The following DMRT3 variants were observed in gnomAD, a reference collection of about 807,000 sequenced individuals.
The protein encoded by DMRT3 is doublesex- and mab-3-related transcription factor 3.
Under a neutral mutation model 34.9 loss-of-function variants are expected in DMRT3, and 29 were observed. The ratio of observed to expected loss-of-function variants is 0.83; its 90% CI spans 0.62 to 1.13. DMRT3 has a LOEUF of 1.13. Among genes scored for constraint, DMRT3 ranks in the 50% most tolerant of loss-of-function variants. The pLI is 0.00. For synonymous variants in DMRT3, 350 were observed against 286.0 expected, an observed-to-expected ratio of 1.22 and a Z score of -2.26; for missense variants, 772 against 629.1, an observed-to-expected ratio of 1.23 and a Z score of -2.43.
chr9:977,576 C>A, intron 1 of DMRT3, 121 bp downstream of exon 1: 5 of 976,034 alleles, frequency 5.1e-6, no homozygotes, highest in Non-Finnish European at 6.4e-6. Context: ...TCGGGGCTTT[C>A]CTTCCTACTC....
At chr9:983,094 C>G (rs1820241867) in intron 1 of DMRT3, among the ~76,000 whole-genome samples, 1 of 152,170 alleles carries the variant, frequency 6.6e-6, no homozygotes, top group African/African-American at 2.4e-5. Flanking sequence ...CTACTGTTCT[C>G]AGAAGGGAAA....
chr9:988,569 A>C (rs1007949446), intron 1 of DMRT3, among the ~76,000 whole-genome samples: 2 of 152,214 alleles, frequency 1.3e-5, no homozygotes, highest in African/African-American at 2.4e-5. Flanking sequence ...GTTACACTTA[A>C]GATACACCTG....
chr9:984,774 G>T (rs1820262859), intron 1 of DMRT3, among the ~76,000 whole-genome samples: 2 of 151,966 alleles, frequency 1.3e-5, no homozygotes, highest in African/African-American at 4.8e-5. Flanking sequence ...TCACTTTTAT[G>T]CATCGTGAGC....
At position 990,183 on chromosome 9, in the gene DMRT3, C is replaced by T. The variant is rs539407759; in HGVS notation, c.597C>T (p.Ser199=). ...CCCCTGAGAGCCCTGAGATAGTGTC[C>T]GTGGAGGAAGGGGGATACGCTGTCC... ...CFTPESPEIV[S]VEEGGYAVQK... Residue 199 remains serine (S), a synonymous_variant, in exon 2 of 2, where the codon TCC becomes TCT. Coordinates refer to ENST00000190165, the MANE Select transcript of DMRT3 (RefSeq NM_021240.4). 124 of 1,613,948 alleles carry T rather than the reference C, an allele frequency of 7.7e-5. No individual in the cohort carries two copies. The highest frequency in any genetic ancestry group is 5.4e-4 in the South Asian group (49 of 91,062).
In DMRT3 at chr9:990,831, T is replaced by C. The variant is rs1820353462; in HGVS notation, c.1245T>C (p.Ser415=). 2 of 1,614,150 alleles carry C rather than the reference T, an allele frequency of 1.2e-6. No individual in the cohort carries two copies. Among genetic ancestry groups the C allele is most frequent in the East Asian group, 2.2e-5 (1 of 44,878 alleles). ...SQYVSPFPSN[S]TSVFRSSPVL... ...ATGTCAGTCCTTTCCCCAGTAACTC[T>C]ACCAGCGTCTTCAGAAGCTCGCCCG... The change falls in exon 2 of 2, where the codon TCT becomes TCC. Residue 415 remains serine, a synonymous_variant. Transcript: ENST00000190165.
chr9:986,394 C>T (rs571920521), intron 1 of DMRT3, among the ~76,000 whole-genome samples: 3 of 151,898 alleles, frequency 2.0e-5, no homozygotes, highest in African/African-American at 7.2e-5. Flanking sequence ...AACCTCATTC[C>T]CTAATTCCCC....
rs1185510405 is a variant in DMRT3, at chr9:991,354, A to G, written c.*349A>G. The G allele has an allele frequency of 5.5e-6, 1 of 181,580 alleles. No homozygotes were observed. The highest frequency in any genetic ancestry group is 2.4e-5 in the African/African-American group (1 of 42,504). 11.2% of individuals were successfully genotyped at this position (181,580 alleles called of 1,614,324 possible). On this transcript the variant is annotated 3_prime_UTR_variant, in exon 2 of 2. Transcript: ENST00000190165. ...CCCAACCTGGAATGTTAAATGAAAT[A>G]ATATACTTGAATGCAATTTTGTAAA... is the stretch of plus-strand genomic sequence containing the variant.
At chr9:980,059 G>A (rs1341912459) in intron 1 of DMRT3, among the ~76,000 whole-genome samples, 1 of 151,458 alleles carries the variant, frequency 6.6e-6, no homozygotes, top group East Asian at 1.9e-4. Flanking sequence ...CGGGGCAAAG[G>A]ACCTCTTTAA....
chr9:990,417 C>G lies in DMRT3; in HGVS notation c.831C>G (p.Asp277Glu), dbSNP rs780694580. 2 of 1,614,094 alleles carry G rather than the reference C, an allele frequency of 1.2e-6. No homozygotes were observed. Among genetic ancestry groups the G allele is most frequent in the East Asian group, 2.2e-5 (1 of 44,860 alleles). Residue 277 changes from aspartate to glutamate, a missense_variant, in exon 2 of 2, where the codon GAC (aspartate) becomes GAG (glutamate). Transcript: ENST00000190165. ...LELILKGCGGDLVSAVEVLLS... is the reference protein window; with the variant it reads ...LELILKGCGGELVSAVEVLLS... ...TCATCCTCAAGGGCTGTGGCGGGGA[C>G]CTGGTGAGCGCCGTGGAAGTCCTTC... is the stretch of plus-strand genomic sequence containing the variant.
At chr9:980,943 A>T (rs903532098) in intron 1 of DMRT3, among the ~76,000 whole-genome samples, 4 of 151,986 alleles carry the variant, frequency 2.6e-5, no homozygotes, top group African/African-American at 9.7e-5. Context: ...GTGGCTGTAG[A>T]CTCTTCCTAG....
Position 990,427 on chromosome 9 carries a change from G to A in DMRT3, c.841G>A (p.Ala281Thr), listed in dbSNP as rs1043851397. The change falls in exon 2 of 2, where the codon GCC (alanine) becomes ACC (threonine). Residue 281 changes from alanine to threonine, a missense_variant. Coordinates refer to ENST00000190165, the MANE Select transcript of DMRT3 (RefSeq NM_021240.4). ...GGGCTGTGGCGGGGACCTGGTGAGC[G>A]CCGTGGAAGTCCTTCTGTCCAGCCG... ...LKGCGGDLVS[A>T]VEVLLSSRSS... 1.7e-5 allele frequency: 27 copies of A among 1,613,974 alleles called. No homozygotes were observed. The highest frequency in any genetic ancestry group is 9.9e-5 in the South Asian group (9 of 91,080).
chr9:987,252 C>G (rs1195444543), intron 1 of DMRT3, among the ~76,000 whole-genome samples: 2 of 152,226 alleles, frequency 1.3e-5, no homozygotes, highest in Non-Finnish European at 2.9e-5. Flanking sequence ...ACTACTTTCT[C>G]TCTGAATTTC....
In DMRT3 at chr9:976,923, G is replaced by T; in HGVS notation, c.-79G>T. ...CGTCGCCCGGAGGCCGCCCCTGAGCGGGCCTCGCAGCCCCGCCGTCCAGCG... is the reference window on the plus strand; with the variant it reads ...CGTCGCCCGGAGGCCGCCCCTGAGCTGGCCTCGCAGCCCCGCCGTCCAGCG... On this transcript the variant is annotated 5_prime_UTR_variant, in exon 1 of 2. Transcript: ENST00000190165. This position sits in a 1 kb window ranked among gnomAD's most constrained non-coding sequence, Gnocchi z 4.5. 1.5e-6 allele frequency: 2 copies of T among 1,353,408 alleles called. No individual in the cohort carries two copies. The allele number at this position is 1,353,408 out of a possible 1,614,324, so 83.8% of individuals were successfully genotyped here.
At chr9:981,776 C>A (rs1006131418) in intron 1 of DMRT3, among the ~76,000 whole-genome samples, 1 of 152,194 alleles carries the variant, frequency 6.6e-6, no homozygotes, top group African/African-American at 2.4e-5. Context: ...CGTCTCCTTG[C>A]ACCAGGGGGT....
At chr9:981,721 G>A (rs1586683087) in intron 1 of DMRT3, among the ~76,000 whole-genome samples, 1 of 152,304 alleles carries the variant, frequency 6.6e-6, no homozygotes, top group Non-Finnish European at 1.5e-5. Context: ...TCAAAGTAGG[G>A]GCAAAGATAG....
At position 990,913 on chromosome 9, in the gene DMRT3, C is replaced by A. The variant is rs764103256; in HGVS notation, c.1327C>A (p.Pro443Thr). The change falls in exon 2 of 2, where the codon CCA becomes ACA. Residue 443 changes from proline (P) to threonine (T), a missense_variant. By Grantham distance (38) the Pro-to-Thr change is conservative (BLOSUM62 -1). Coordinates refer to ENST00000190165, the MANE Select transcript of DMRT3 (RefSeq NM_021240.4). ...GATTTCCATCCCTGATGATGGGTGTCCATTTGTGTCAAAGCAGTCCATTTA... is the reference window on the plus strand; with the variant it reads ...GATTTCCATCCCTGATGATGGGTGTACATTTGTGTCAAAGCAGTCCATTTA... Reference protein sequence around the residue: ...PRISIPDDGCPFVSKQSIYTE... With the variant: ...PRISIPDDGCTFVSKQSIYTE... 6.2e-7 allele frequency: 1 copy of A among 1,614,100 alleles called. No individual in the cohort carries two copies. Among genetic ancestry groups the A allele is most frequent in the South Asian group, 1.1e-5 (1 of 91,080 alleles).
At chr9:986,677 G>A (rs892194294) in intron 1 of DMRT3, among the ~76,000 whole-genome samples, 7 of 152,092 alleles carry the variant, frequency 4.6e-5, no homozygotes, top group African/African-American at 1.7e-4. Flanking sequence ...TGGATCATGA[G>A]GTCAGGAGTT....
chr9:976,881 T>G lies in DMRT3; in HGVS notation c.-121T>G. 1 of 1,108,650 alleles carries G rather than the reference T, an allele frequency of 9.0e-7. No homozygotes were observed. Among genetic ancestry groups the G allele is most frequent in the Non-Finnish European group, 1.2e-6 (1 of 843,458 alleles). 68.7% of individuals were successfully genotyped at this position (1,108,650 alleles called of 1,614,324 possible). A position where few individuals can be genotyped will look rare whatever the true frequency, so the allele number is the denominator to read the frequency against. Reference sequence around the variant, plus strand: ...CCGGAGCACACACGACCACCGGGGCTGCGGGACCAAGGGCCGCGTCGCCCG... The same window carrying G: ...CCGGAGCACACACGACCACCGGGGCGGCGGGACCAAGGGCCGCGTCGCCCG... On this transcript the variant is annotated 5_prime_UTR_variant, in exon 1 of 2. Transcript: ENST00000190165. The surrounding 1 kb of genome is among the most constrained non-coding windows in gnomAD (Gnocchi z 4.5).
rs1820337636 is a variant in DMRT3, at chr9:990,240, T to C, written c.654T>C (p.Pro218=). ...ACGGAGGCAACCCCGAGAGCCGCCC[T>C]GACAGCCCCAAGTGTCACGCGGAGC... ...QKNGGNPESR[P]DSPKCHAEQN... is the part of the protein sequence containing the mutation. Residue 218 remains proline, a synonymous_variant, in exon 2 of 2, where the codon CCT becomes CCC. Transcript: ENST00000190165. The C allele has an allele frequency of 6.2e-7, 1 of 1,613,852 alleles. No homozygotes were observed. The highest frequency in any genetic ancestry group is 1.7e-5 in the Admixed American group (1 of 59,998).
Sources: gnomAD v4.1 joint callset for allele counts (sites outside exome capture counted in the v4.1 genomes callset) on GRCh38, gnomAD v4.1.1 for gene constraint, Gnocchi (gnomAD v3.1) non-coding constraint, MANE v1.5 for transcripts, NCBI Gene and HGNC (gene_info 2026-07-23, HGNC 2026-07-21) for gene names.